DUOXA1: variants seen among roughly 807,000 people sequenced by gnomAD.
DUOXA1 encodes dual oxidase activator 1.
Under a neutral mutation model 26.6 loss-of-function variants are expected in DUOXA1, and 19 were observed. The ratio of observed to expected loss-of-function variants is 0.71; its 90% CI spans 0.50 to 1.05. The LOEUF is 1.05. Ranked by LOEUF, DUOXA1 falls within the 50% of genes least tolerant of loss-of-function variation. DUOXA1 has a pLI of 0.00. For missense variants in DUOXA1, 403 were observed against 427.5 expected (o/e 0.94, Z 0.51); for synonymous variants, 166 against 177.0 (o/e 0.94, Z 0.49).
At chr15:45,123,409 C>T (rs969834760) in intron 3 of DUOXA1, among the ~76,000 whole-genome samples, 5 of 152,168 alleles carry the variant, frequency 3.3e-5, no homozygotes, top group African/African-American at 7.2e-5. Context: ...AGATAGATCA[C>T]AGAACATAAA....
At chr15:45,122,093 C>G (rs556970246) in intron 5 of DUOXA1, 92 bp downstream of exon 5, 1 of 1,414,366 alleles carries the variant, frequency 7.1e-7, no homozygotes, top group African/African-American at 1.4e-5. Flanking sequence ...AAGGGCCCAC[C>G]GCTGTGGGGA....
chr15:45,120,797 C>A lies in DUOXA1; in HGVS notation c.349G>T (p.Val117Leu). The A allele has an allele frequency of 6.2e-7, 1 of 1,614,078 alleles. No individual in the cohort carries two copies. Among genetic ancestry groups the A allele is most frequent in the Non-Finnish European group, 8.5e-7 (1 of 1,179,992 alleles). ...GVNITLTGTPVQQLNETINYN... is the reference protein window; with the variant it reads ...GVNITLTGTPLQQLNETINYN... The stretch of plus-strand genomic sequence containing the variant: ...TTGATGGTCTCATTCAGCTGCTGCA[C>A]GGGGGTCCCTAGGGCACAAGGCAGC... Residue 117 changes from valine (V) to leucine (L), a missense_variant, in exon 7 of 9, where the codon GTG (valine) becomes TTG (leucine). By Grantham distance (32) the Val-to-Leu change is conservative. Coordinates refer to ENST00000560572, the MANE Select transcript of DUOXA1 (RefSeq NM_001276266.2).
chr15:45,122,038 T>G, intron 5 of DUOXA1, 147 bp downstream of exon 5: 2 of 797,190 alleles, frequency 2.5e-6, no homozygotes, highest in Non-Finnish European at 4.2e-6. Flanking sequence ...GATAAGGCCA[T>G]GGTGAGAGAA....
chr15:45,123,157 A>C, intron 3 of DUOXA1, 114 bp from the exon 4 acceptor site: 2 of 1,079,296 alleles, frequency 1.9e-6, no homozygotes, highest in Non-Finnish European at 2.5e-6. Flanking sequence ...TCTGGAGCTC[A>C]CATTTTGTGC....
intron 3 of DUOXA1, among the ~76,000 whole-genome samples, chr15:45,128,675 G>A (rs1329515547): frequency 6.6e-6 from 1 of 152,200 alleles, no homozygotes; most frequent in Non-Finnish European, 1.5e-5. Flanking sequence ...TTGGAGGCAG[G>A]ATTCCCCAGT....
In DUOXA1 at chr15:45,122,958, C is replaced by A; in HGVS notation, c.57G>T (p.Pro19=). The part of the protein sequence containing the change: ...PFYAGPKPTF[P]MDTTLASIIM... ...TGATGCTGGCCAAAGTGGTGTCCAT[C>A]GGGAAGGTTGGCTTGGGGCCAGCAT... Residue 19 remains proline (P), a synonymous_variant, in exon 4 of 9, where the codon CCG becomes CCT. Transcript: ENST00000560572. The A allele has an allele frequency of 6.2e-7, 1 of 1,613,260 alleles. No homozygotes were observed.
rs144108742 is a variant in DUOXA1 at position 45,121,055 on chromosome 15, C to A, written c.340+32G>T. 2.9e-3 allele frequency: 4,726 copies of A among 1,612,586 alleles called. 29 individuals carry two copies. Among genetic ancestry groups the A allele is most frequent in the South Asian group, 8.3e-3 (753 of 90,858 alleles). ...TAGATCCCAAAGATGGCAGAGCCTT[C>A]CCCCCCACCACAGGTAAGAGCCCTC... is the stretch of plus-strand genomic sequence containing the variant. On this transcript the variant is annotated intron_variant, in intron 6 of 8. Coordinates refer to ENST00000560572, the MANE Select transcript of DUOXA1 (RefSeq NM_001276266.2).
chr15:45,121,608 G>A (rs889654674), intron 5 of DUOXA1, among the ~76,000 whole-genome samples: 16 of 152,204 alleles, frequency 1.1e-4, no homozygotes, highest in African/African-American at 9.7e-5. Flanking sequence ...TCCGCCTCCC[G>A]GGTTCAAGCA....
intron 7 of DUOXA1, 82 bp from the exon 8 acceptor site, chr15:45,120,402 G>A (rs112792333): frequency 6.4e-7 from 1 of 1,563,718 alleles, no homozygotes; most frequent in Non-Finnish European, 8.8e-7. Context: ...CGGAGGTTCA[G>A]GGACCCAAGA....
Position 45,129,189 on chromosome 15 carries a change from C to G in DUOXA1, c.-146-55G>C, listed in dbSNP as rs1489418843. 1 of 152,220 alleles carries G rather than the reference C, an allele frequency of 6.6e-6. No individual in the cohort carries two copies. The highest frequency in any genetic ancestry group is 2.4e-5 in the African/African-American group (1 of 41,440). The allele number at this position is 152,220 out of a possible 1,614,324, so 9.4% of individuals were successfully genotyped here. On this transcript the variant is annotated intron_variant, in intron 2 of 8. Transcript: ENST00000560572. The surrounding 1 kb of genome is among the most constrained non-coding windows in gnomAD (Gnocchi z 4.1). ...GTGGGGCTCCCGTCCGACCCCCACT[C>G]CTCTCCTAACTCACGTAAGGACCCG...
chr15:45,120,672 A>G lies in DUOXA1; in HGVS notation c.474T>C (p.Ala158=). 4 of 1,614,124 alleles carry G rather than the reference A, an allele frequency of 2.5e-6. No individual in the cohort carries two copies. Among genetic ancestry groups the G allele is most frequent in the Non-Finnish European group, 3.4e-6 (4 of 1,179,982 alleles). Residue 158 remains alanine, a synonymous_variant, in exon 7 of 9, where the codon GCT becomes GCC. Coordinates refer to ENST00000560572, the MANE Select transcript of DUOXA1 (RefSeq NM_001276266.2). ...KGLPDPVLYL[A]EKFTPRSPCG... is the part of the protein sequence containing the mutation. ...ATGGGCTTCTTGGAGTGAACTTCTC[A>G]GCTAGGTACAACACAGGGTCTGGCA...
At position 45,117,662 on chromosome 15, in the gene DUOXA1, C is replaced by A; in HGVS notation, c.*1444G>T. 6.2e-7 allele frequency: 1 copy of A among 1,613,794 alleles called. No individual in the cohort carries two copies. Among genetic ancestry groups the A allele is most frequent in the Non-Finnish European group, 8.5e-7 (1 of 1,179,906 alleles). On this transcript the variant is annotated 3_prime_UTR_variant, in exon 9 of 9. Coordinates refer to ENST00000560572, the MANE Select transcript of DUOXA1 (RefSeq NM_001276266.2). ...GGCCAGAGTTCGAGACCAGCCTGGG[C>A]AACATAGCCCTGACTCCACATGCCC...
chr15:45,121,362 G>T, intron 5 of DUOXA1, 141 bp from the exon 6 acceptor site: 1 of 1,263,170 alleles, frequency 7.9e-7, no homozygotes, highest in Non-Finnish European at 1.1e-6. Flanking sequence ...TCTGGCTCAT[G>T]GTAAGTCTGC....
At position 45,118,558 on chromosome 15, in the gene DUOXA1, G is replaced by A; in HGVS notation, c.*548C>T. ...GCAAATTTGGGAACTGAAGCTCAAA[G>A]AGAATGTGGCATAGTTGGTTAATGT... On this transcript the variant is annotated 3_prime_UTR_variant, in exon 9 of 9. Transcript: ENST00000560572. 2.0e-6 allele frequency: 2 copies of A among 991,922 alleles called. No homozygotes were observed. The highest frequency in any genetic ancestry group is 2.4e-6 in the Non-Finnish European group (2 of 834,568). The allele number at this position is 991,922 out of a possible 1,614,324, so 61.4% of individuals were successfully genotyped here.
At position 45,118,333 on chromosome 15, in the gene DUOXA1, G is replaced by A. The variant is rs147686983; in HGVS notation, c.*773C>T. On this transcript the variant is annotated 3_prime_UTR_variant, in exon 9 of 9. Transcript: ENST00000560572. Reference sequence around the variant, plus strand: ...GGGGGACGTTAGGTGGCAGTGATGAGGCAGGTCACCCACTCCCCCGTCCTG... The same window carrying A: ...GGGGGACGTTAGGTGGCAGTGATGAAGCAGGTCACCCACTCCCCCGTCCTG... 2.7e-4 allele frequency: 328 copies of A among 1,202,008 alleles called. No homozygotes were observed. In the African/African-American group the frequency reaches 4.3e-3, roughly 16 times the overall value. 74.5% of individuals were successfully genotyped at this position (1,202,008 alleles called of 1,614,324 possible).
intron 6 of DUOXA1, 131 bp downstream of exon 6, chr15:45,120,956 C>T (rs1895140818): frequency 1.3e-6 from 2 of 1,526,698 alleles, no homozygotes. Flanking sequence ...CCTACCATGC[C>T]TCTGACCTCC....
rs749481036 is a variant in DUOXA1, at chr15:45,119,118, A to T, written c.1020T>A (p.Asp340Glu). 6.3e-7 allele frequency: 1 copy of T among 1,589,822 alleles called. No homozygotes were observed. The highest frequency in any genetic ancestry group is 1.3e-5 in the African/African-American group (1 of 74,520). The change falls in exon 9 of 9, where the codon GAT becomes GAA. Residue 340 changes from aspartate to glutamate, a missense_variant. Physicochemically the swap from Asp to Glu is conservative, Grantham distance 45. Transcript: ENST00000560572. ...YCKEAHPKDP[D>E]CAL The stretch of plus-strand genomic sequence containing the variant: ...ACGGGGAGGAATGTTATAAAGCACA[A>T]TCAGGATCTTTGGGGTGTGCCTCCT...
At chr15:45,127,238 AT>A (rs1895753245) in intron 3 of DUOXA1, among the ~76,000 whole-genome samples, 1 of 152,214 alleles carries the variant, frequency 6.6e-6, no homozygotes, top group African/African-American at 2.4e-5. Flanking sequence ...AAAAAGGAGT[AT>A]TTTTAATATA....
At chr15:45,126,023 T>C (rs988293882) in intron 3 of DUOXA1, among the ~76,000 whole-genome samples, 1 of 152,224 alleles carries the variant, frequency 6.6e-6, no homozygotes, top group Non-Finnish European at 1.5e-5. Context: ...TTCTATTGTC[T>C]TTGTATGTTT....
Sources: gnomAD v4.1 joint callset for allele counts (sites outside exome capture counted in the v4.1 genomes callset) on GRCh38, gnomAD v4.1.1 for gene constraint, Gnocchi (gnomAD v3.1) non-coding constraint, MANE v1.5 for transcripts, NCBI Gene and HGNC (gene_info 2026-07-23, HGNC 2026-07-21) for gene names.